Variants in SLC25A21 observed in about 807,000 individuals in gnomAD.
SLC25A21 encodes the protein mitochondrial 2-oxodicarboxylate carrier.
In SLC25A21, 47 loss-of-function variants were observed where a neutral mutation model predicts 43.8. The observed-to-expected ratio is 1.07, with a 90% CI of 0.85 to 1.37. SLC25A21 has a LOEUF of 1.37. Among genes scored for constraint, SLC25A21 ranks in the 40% most tolerant of loss-of-function variants. SLC25A21 has a pLI of 0.00. For missense variants in SLC25A21, 352 were observed against 350.2 expected, an observed-to-expected ratio of 1.00 and a Z score of -0.04; for synonymous variants, 131 against 121.3, an observed-to-expected ratio of 1.08 and a Z score of -0.52.
At chr14:37,158,811 T>C (rs1201257803) in intron 1 of SLC25A21, among the ~76,000 whole-genome samples, 3 of 152,102 alleles carry the variant, frequency 2.0e-5, no homozygotes, top group Admixed American at 6.6e-5. Context: ...TTTCTGATGA[T>C]ATAATCTTGT....
chr14:36,961,019 C>T (rs1033447959), intron 1 of SLC25A21, among the ~76,000 whole-genome samples: 15 of 152,076 alleles, frequency 9.9e-5, no homozygotes, highest in African/African-American at 3.1e-4. Flanking sequence ...CAATCTGTTA[C>T]GATGAGTGAG....
chr14:37,100,056 TTGTTTTC>T (rs1230367290), intron 1 of SLC25A21, among the ~76,000 whole-genome samples: 2 of 151,556 alleles, frequency 1.3e-5, no homozygotes, highest in Admixed American at 6.6e-5. Context: ...GTTTGTTTGT[TTGTTTTC>T]TTTTGTTTTT....
In SLC25A21 at chr14:36,745,203, A is replaced by G. The variant is rs1311859704; in HGVS notation, c.204-10630T>C. On this transcript the variant is annotated intron_variant, in intron 3 of 9. Transcript: ENST00000331299. ...CTTTTTTATGGCTGCATAGTATTCC[A>G]TGGTGTATATGTGCCACATTTTCTT... Among the ~76,000 whole-genome samples, 4 of 152,070 alleles carry G rather than the reference A, an allele frequency of 2.6e-5. No homozygotes were observed. In the East Asian group the frequency reaches 7.7e-4, roughly 29 times the overall value.
intron 3 of SLC25A21, among the ~76,000 whole-genome samples, chr14:36,787,420 T>C (rs531996382): frequency 1.3e-5 from 2 of 152,280 alleles, no homozygotes; most frequent in East Asian, 3.9e-4. Context: ...AATTACAAAA[T>C]AGAATGAAAC....
At chr14:37,138,296 C>A (rs549435753) in intron 1 of SLC25A21, among the ~76,000 whole-genome samples, 1 of 152,266 alleles carries the variant, frequency 6.6e-6, no homozygotes, top group South Asian at 2.1e-4. Context: ...GTTTTACTTA[C>A]CTCGATTAAA....
chr14:36,705,112 C>A (rs1381186107), intron 7 of SLC25A21, among the ~76,000 whole-genome samples: 2 of 152,034 alleles, frequency 1.3e-5, no homozygotes, highest in Non-Finnish European at 2.9e-5. Flanking sequence ...GCAATCTCTG[C>A]TCACTGCAAG....
At chr14:36,684,219 G>C (rs1285967250) in intron 8 of SLC25A21, among the ~76,000 whole-genome samples, 1 of 152,056 alleles carries the variant, frequency 6.6e-6, no homozygotes, top group African/African-American at 2.4e-5. Flanking sequence ...CACAAACTCA[G>C]TCTTTACATT....
intron 1 of SLC25A21, among the ~76,000 whole-genome samples, chr14:36,987,375 T>C (rs1430691567): frequency 6.6e-6 from 1 of 152,116 alleles, no homozygotes; most frequent in Non-Finnish European, 1.5e-5. Flanking sequence ...TTTTAATATG[T>C]TTTCCACTTA....
intron 1 of SLC25A21, among the ~76,000 whole-genome samples, chr14:37,171,137 A>AG (rs1964120971): frequency 4.0e-4 from 1 of 2,518 alleles, no homozygotes; most frequent in Non-Finnish European, 7.5e-4. Context: ...AGGGGAGGGG[A>AG]GGGGTGGGGA....
chr14:36,755,538 T>G (rs889227628), intron 3 of SLC25A21, among the ~76,000 whole-genome samples: 17 of 152,118 alleles, frequency 1.1e-4, no homozygotes, highest in African/African-American at 3.9e-4. Flanking sequence ...GGCGACAAAG[T>G]TCAACAGCTC....
In SLC25A21 at chr14:36,985,272, T is replaced by C. The variant is rs920189329; in HGVS notation, c.71-110268A>G. Among the ~76,000 whole-genome samples, 219 of 149,022 alleles carry C rather than the reference T, an allele frequency of 1.5e-3. 1 individual carries two copies. Among genetic ancestry groups the C allele is most frequent in the African/African-American group, 5.4e-3 (209 of 38,654 alleles). On this transcript the variant is annotated intron_variant, in intron 1 of 9. Coordinates refer to ENST00000331299, the MANE Select transcript of SLC25A21 (RefSeq NM_030631.4). ...AGCGCACCAGCATGGCACATGTATA[T>C]ATATGTAACTAACCTGCACAATGTG...
chr14:36,812,229 C>A (rs952571154), intron 3 of SLC25A21, among the ~76,000 whole-genome samples: 13 of 151,982 alleles, frequency 8.6e-5, no homozygotes, highest in African/African-American at 3.1e-4. Flanking sequence ...AGATGGTAAA[C>A]AGGAGATACA....
chr14:36,711,201 T>C, intron 7 of SLC25A21, 117 bp downstream of exon 7: 1 of 874,120 alleles, frequency 1.1e-6, no homozygotes. Context: ...AGGATCAAAT[T>C]AGATAATAGA....
At chr14:36,812,971 A>C (rs1359189472) in intron 3 of SLC25A21, among the ~76,000 whole-genome samples, 3 of 152,204 alleles carry the variant, frequency 2.0e-5, no homozygotes, top group African/African-American at 7.2e-5. Flanking sequence ...AATTATTATT[A>C]CTGTTACATT....
chr14:37,133,815 T>G (rs908108901), intron 1 of SLC25A21, among the ~76,000 whole-genome samples: 4 of 152,156 alleles, frequency 2.6e-5, no homozygotes, highest in African/African-American at 9.7e-5. Context: ...TACATGTTCT[T>G]GTTTGCTCAG....
At chr14:37,092,984 T>C (rs1372270365) in intron 1 of SLC25A21, among the ~76,000 whole-genome samples, 1 of 152,112 alleles carries the variant, frequency 6.6e-6, no homozygotes, top group South Asian at 2.1e-4. Context: ...CTTTTGTCCA[T>C]CTTTTTTAAA....
At chr14:36,776,765 C>G (rs11846618) in intron 3 of SLC25A21, among the ~76,000 whole-genome samples, 6,794 of 152,110 alleles carry the variant, frequency 0.045, 504 homozygotes, top group African/African-American at 0.15. Context: ...ATATTGCCTT[C>G]TATTTCACAG....
At chr14:37,111,583 G>T (rs1488698047) in intron 1 of SLC25A21, among the ~76,000 whole-genome samples, 1 of 151,998 alleles carries the variant, frequency 6.6e-6, no homozygotes, top group African/African-American at 2.4e-5. Flanking sequence ...ATAATAGAAT[G>T]AATTAAAAAG....
chr14:36,846,819 C>A (rs2046229003), intron 2 of SLC25A21, among the ~76,000 whole-genome samples: 2 of 152,206 alleles, frequency 1.3e-5, no homozygotes, highest in African/African-American at 4.8e-5. Flanking sequence ...GTGGCCCACT[C>A]AGTTTGCATT....
Sources: gnomAD v4.1 joint callset for allele counts (sites outside exome capture counted in the v4.1 genomes callset) on GRCh38, gnomAD v4.1.1 for gene constraint, MANE v1.5 for transcripts, NCBI Gene and HGNC (gene_info 2026-07-23, HGNC 2026-07-21) for gene names.